IFT25: variants seen among roughly 807,000 people sequenced by gnomAD.
IFT25 encodes intraflagellar transport 25, also known as intraflagellar transport protein 25 homolog.
chr1:53,921,757 C>T, the IFT25 span: 5 of 1,607,900 alleles, frequency 3.1e-6, no homozygotes, highest in South Asian at 4.4e-5. Context: ...AGTAGCGGAG[C>T]CATCATGTGC....
chr1:53,934,239 G>A, the IFT25 span, among the ~76,000 whole-genome samples: 1 of 151,978 alleles, frequency 6.6e-6, no homozygotes, highest in African/African-American at 2.4e-5. Flanking sequence ...CTTCATTTTT[G>A]GAAGATAGTT....
chr1:53,938,734 T>C, the IFT25 span, among the ~76,000 whole-genome samples: 13 of 152,116 alleles, frequency 8.5e-5, no homozygotes, highest in African/African-American at 2.7e-4. Flanking sequence ...TCATTGTACA[T>C]ATACCAAGAA....
At chr1:53,933,283 C>T in the IFT25 span, among the ~76,000 whole-genome samples, 6 of 152,130 alleles carry the variant, frequency 3.9e-5, no homozygotes, top group South Asian at 4.1e-4. Flanking sequence ...TACAGGCATG[C>T]GCCACCACGC....
chr1:53,916,191 A>T, the IFT25 span, among the ~76,000 whole-genome samples: 1 of 152,100 alleles, frequency 6.6e-6, no homozygotes, highest in East Asian at 1.9e-4. Context: ...AAAAAAAAAA[A>T]AAAAGAGGTG....
At chr1:53,934,168 AT>A in the IFT25 span, among the ~76,000 whole-genome samples, 6 of 152,062 alleles carry the variant, frequency 3.9e-5, no homozygotes, top group Non-Finnish European at 8.8e-5. Flanking sequence ...AACCTGCAGG[AT>A]TTCCTTTAGC....
chr1:53,930,892 T>C, the IFT25 span, among the ~76,000 whole-genome samples: 1 of 152,232 alleles, frequency 6.6e-6, no homozygotes, highest in Non-Finnish European at 1.5e-5. Context: ...TAGTATATAT[T>C]ATGGTTTTGA....
chr1:53,942,349 C>G, the IFT25 span, among the ~76,000 whole-genome samples: 1 of 152,116 alleles, frequency 6.6e-6, no homozygotes, highest in Non-Finnish European at 1.5e-5. Flanking sequence ...ATGCGTTTAA[C>G]ATTTTAAAAT....
chr1:53,913,191 C>T, the IFT25 span, among the ~76,000 whole-genome samples: 1 of 152,198 alleles, frequency 6.6e-6, no homozygotes, highest in African/African-American at 2.4e-5. Flanking sequence ...AAGCCTTTTC[C>T]CTTGCTGCAA....
the IFT25 span, chr1:53,940,047 C>T: frequency 6.2e-7 from 1 of 1,610,576 alleles, no homozygotes. Flanking sequence ...TCACTTCGGA[C>T]CCTTCAGAGC....
the IFT25 span, among the ~76,000 whole-genome samples, chr1:53,927,344 CCA>C: frequency 1.3e-5 from 2 of 152,138 alleles, no homozygotes; most frequent in African/African-American, 4.8e-5. Context: ...GATGAATGTT[CCA>C]GTCTCCCAGC....
the IFT25 span, among the ~76,000 whole-genome samples, chr1:53,914,448 T>G: frequency 6.6e-6 from 1 of 151,998 alleles, no homozygotes; most frequent in East Asian, 1.9e-4. Flanking sequence ...ACCAGAAGTA[T>G]CCATTTTTAT....
chr1:53,934,889 C>T, the IFT25 span, among the ~76,000 whole-genome samples: 1 of 152,142 alleles, frequency 6.6e-6, no homozygotes, highest in African/African-American at 2.4e-5. Flanking sequence ...GTCATAGCTA[C>T]TTGGGAGGCT....
the IFT25 span, among the ~76,000 whole-genome samples, chr1:53,932,606 C>G: frequency 6.6e-6 from 1 of 152,220 alleles, no homozygotes; most frequent in Non-Finnish European, 1.5e-5. Flanking sequence ...GCTCTGTCAC[C>G]CAGACTGCAG....
chr1:53,933,092 T>C, the IFT25 span, among the ~76,000 whole-genome samples: 1 of 152,152 alleles, frequency 6.6e-6, no homozygotes, highest in African/African-American at 2.4e-5. Flanking sequence ...AGAACTATTA[T>C]TAGGTCCATA....
At chr1:53,921,763 T>C in the IFT25 span, 1 of 1,599,664 alleles carries the variant, frequency 6.3e-7, no homozygotes, top group South Asian at 1.1e-5. Context: ...GGAGCCATCA[T>C]GTGCCTGTAT....
the IFT25 span, among the ~76,000 whole-genome samples, chr1:53,925,055 A>T: frequency 3.9e-5 from 6 of 152,162 alleles, no homozygotes; most frequent in Non-Finnish European, 7.4e-5. Context: ...TCAACTCTTC[A>T]AGCTATTTTT....
chr1:53,916,831 C>T, the IFT25 span: 10 of 396,466 alleles, frequency 2.5e-5, no homozygotes, highest in Non-Finnish European at 3.1e-5. Context: ...GCCTTTCCTA[C>T]TCTTCTCCAT....
chr1:53,918,720 A>T, the IFT25 span, among the ~76,000 whole-genome samples: 2 of 152,218 alleles, frequency 1.3e-5, no homozygotes, highest in Non-Finnish European at 2.9e-5. Flanking sequence ...CAGGTTCAGT[A>T]ATTTTGGCAA....
the IFT25 span, among the ~76,000 whole-genome samples, chr1:53,926,077 CAAAAAAA>C: frequency 3.7e-5 from 2 of 54,130 alleles, no homozygotes; most frequent in South Asian, 6.0e-4. Context: ...ACTCCAGTCT[CAAAAAAA>C]AAAAAAAAAA....
Sources: allele counts gnomAD v4.1 joint callset (sites outside exome capture counted in the v4.1 genomes callset), GRCh38; gene constraint gnomAD v4.1.1; transcripts MANE v1.5; gene names NCBI Gene and HGNC (gene_info 2026-07-23, HGNC 2026-07-21).